The following KCNIP1 variants were observed in gnomAD, a reference collection of about 807,000 sequenced individuals.
KCNIP1 encodes the protein potassium voltage-gated channel interacting protein 1.
A neutral mutation model predicts 33.0 loss-of-function variants in KCNIP1; 18 were observed. The ratio of observed to expected loss-of-function variants is 0.55; its 90% CI spans 0.38 to 0.81. The LOEUF (loss-of-function observed/expected upper bound fraction) is 0.81. Among genes scored for constraint, KCNIP1 ranks in the 30% least tolerant of loss-of-function variants. The probability of loss-of-function intolerance (pLI) is 0.00; values close to 1 mark genes in which losing one functional copy is unlikely to be tolerated. For synonymous variants in KCNIP1, 93 were observed against 98.3 expected, an observed-to-expected ratio of 0.95 and a Z score of 0.32; for missense variants, 238 against 271.6, an observed-to-expected ratio of 0.88 and a Z score of 0.87.
chr5:170,501,883 G>T (rs1028700356), upstream of KCNIP1, among the ~76,000 whole-genome samples: 8 of 152,194 alleles, frequency 5.3e-5, no homozygotes, highest in Admixed American at 5.2e-4. Context: ...AACAGAGAAG[G>T]CAGGAGGGAA....
intron 1 of KCNIP1, among the ~76,000 whole-genome samples, chr5:170,696,933 A>T (rs1762917091): frequency 6.6e-6 from 1 of 152,158 alleles, no homozygotes; most frequent in South Asian, 2.1e-4. Context: ...CCTAGAATGC[A>T]CATTTCCTTC....
intron 1 of KCNIP1, among the ~76,000 whole-genome samples, chr5:170,487,544 C>T (rs1471512424): frequency 1.4e-5 from 2 of 143,110 alleles, no homozygotes; most frequent in Non-Finnish European, 3.0e-5. Flanking sequence ...TTTTTTAAGA[C>T]AGGGTCTGGC....
At chr5:170,442,660 T>A (rs917541621) in intron 1 of KCNIP1, among the ~76,000 whole-genome samples, 6 of 151,886 alleles carry the variant, frequency 4.0e-5, no homozygotes, top group African/African-American at 1.4e-4. Context: ...GGAGAAGACA[T>A]CACCCCACTT....
chr5:170,385,113 C>A (rs1764410850), intron 1 of KCNIP1, among the ~76,000 whole-genome samples: 2 of 152,184 alleles, frequency 1.3e-5, no homozygotes, highest in South Asian at 4.1e-4. Context: ...ACCACCAGGT[C>A]CTAGAATCTC....
At chr5:170,461,182 C>T (rs1307832498) in intron 1 of KCNIP1, among the ~76,000 whole-genome samples, 2 of 152,202 alleles carry the variant, frequency 1.3e-5, no homozygotes, top group African/African-American at 4.8e-5. Context: ...AATGGAAACA[C>T]ATCCAATGCT....
chr5:170,703,870 TCA>T lies in KCNIP1; in HGVS notation c.62-14885_62-14884del, dbSNP rs1404171630. On this transcript the variant is annotated intron_variant, in intron 1 of 7. Coordinates refer to ENST00000328939, the MANE Select transcript of KCNIP1 (RefSeq NM_014592.4). ...CTATGTGCAAAGCAGATATTAGACATCACAGAGGGAGTGAGATACCGAAAACA... is the reference window on the plus strand; with the variant it reads ...CTATGTGCAAAGCAGATATTAGACATCAGAGGGAGTGAGATACCGAAAACA... 1.5e-5 allele frequency among the ~76,000 whole-genome samples: 2 copies of T among 137,594 alleles called. 1 individual carries two copies. The highest frequency in any genetic ancestry group is 3.0e-5 in the Non-Finnish European group (2 of 65,596). 90.3% of individuals were successfully genotyped at this position (137,594 alleles called of 152,430 possible).
chr5:170,503,950 CCCT>C, upstream of KCNIP1: 10 of 637,030 alleles, frequency 1.6e-5, no homozygotes, highest in South Asian at 7.1e-5. Context: ...CACCGTGCAG[CCCT>C]CGCCCCCGCC....
intron 1 of KCNIP1, among the ~76,000 whole-genome samples, chr5:170,469,216 G>A (rs1010949220): frequency 2.6e-5 from 4 of 152,032 alleles, no homozygotes; most frequent in African/African-American, 7.2e-5. Context: ...GCAACATAGT[G>A]AGACCCGATC....
chr5:170,623,662 C>G (rs1468330716), intron 1 of KCNIP1, among the ~76,000 whole-genome samples: 1 of 152,052 alleles, frequency 6.6e-6, no homozygotes, highest in East Asian at 1.9e-4. Context: ...AAGTCTGGGA[C>G]GAAAAGGGAT....
chr5:170,422,390 G>A (rs970803528), intron 1 of KCNIP1: 1 of 152,188 alleles, frequency 6.6e-6, no homozygotes, highest in African/African-American at 2.4e-5. Context: ...TTCTAGAATG[G>A]GGAGACAAGA....
chr5:170,490,239 G>T (rs1046193736), intron 1 of KCNIP1, among the ~76,000 whole-genome samples: 1 of 152,186 alleles, frequency 6.6e-6, no homozygotes, highest in Non-Finnish European at 1.5e-5. Context: ...AACCTACTTT[G>T]TTCTAAGGCC....
chr5:170,613,726 A>G (rs1759267383), intron 1 of KCNIP1, among the ~76,000 whole-genome samples: 1 of 152,216 alleles, frequency 6.6e-6, no homozygotes, highest in Non-Finnish European at 1.5e-5. Flanking sequence ...GTTCTTACTA[A>G]TAAAATAAAT....
intron 1 of KCNIP1, among the ~76,000 whole-genome samples, chr5:170,612,727 C>T (rs1388907875): frequency 2.0e-5 from 3 of 152,180 alleles, no homozygotes; most frequent in Admixed American, 2.0e-4. Flanking sequence ...TGAGGCTGGG[C>T]TTTTAGCAAA....
intron 1 of KCNIP1, among the ~76,000 whole-genome samples, chr5:170,653,590 C>A (rs1461958560): frequency 6.6e-6 from 1 of 152,092 alleles, no homozygotes; most frequent in African/African-American, 2.4e-5. Context: ...AAAAGAGGGA[C>A]TTCTCAGAGG....
intron 5 of KCNIP1, 94 bp downstream of exon 5, chr5:170,722,914 A>T (rs1037352680): frequency 3.3e-5 from 25 of 757,834 alleles, no homozygotes; most frequent in Admixed American, 9.8e-5. Context: ...GCACTGTCTG[A>T]ATGAGGCAGG....
intron 1 of KCNIP1, among the ~76,000 whole-genome samples, chr5:170,371,358 G>A (rs1248478143): frequency 6.6e-6 from 1 of 152,148 alleles, no homozygotes; most frequent in Admixed American, 6.5e-5. Context: ...TGGCCCCAGG[G>A]AGTCAATTGA....
intron 1 of KCNIP1, among the ~76,000 whole-genome samples, chr5:170,523,042 G>T (rs963447448): frequency 2.0e-5 from 3 of 152,206 alleles, no homozygotes; most frequent in African/African-American, 7.2e-5. Context: ...CTACTGCTCC[G>T]AGTTGATAGA....
chr5:170,705,958 C>T (rs1763244778), intron 1 of KCNIP1, among the ~76,000 whole-genome samples: 1 of 152,158 alleles, frequency 6.6e-6, no homozygotes, highest in African/African-American at 2.4e-5. Context: ...CTTAGATTTA[C>T]AGCTGCAAGG....
chr5:170,546,620 C>T (rs1756417698), intron 1 of KCNIP1, among the ~76,000 whole-genome samples: 1 of 152,162 alleles, frequency 6.6e-6, no homozygotes, highest in South Asian at 2.1e-4. Flanking sequence ...AGAGGACCCA[C>T]TTTGTCCTCA....
Sources: gnomAD v4.1 joint callset for allele counts (sites outside exome capture counted in the v4.1 genomes callset) on GRCh38, gnomAD v4.1.1 for gene constraint, MANE v1.5 for transcripts, NCBI Gene and HGNC (gene_info 2026-07-23, HGNC 2026-07-21) for gene names.